The following ZNF227 variants were observed in gnomAD, a reference collection of about 807,000 sequenced individuals.
The protein encoded by ZNF227 is zinc finger protein 227.
ZNF227 carries 12 observed loss-of-function variants against 13.2 expected under a neutral mutation model. The ratio of observed to expected loss-of-function variants is 0.91; its 90% CI spans 0.58 to 1.47. ZNF227 has a LOEUF of 1.47. Ranked by LOEUF, ZNF227 falls within the 40% of genes most tolerant of loss-of-function variation. ZNF227 has a pLI of 0.00. For synonymous variants in ZNF227, 338 were observed against 326.0 expected, an observed-to-expected ratio of 1.04 and a Z score of -0.40; for missense variants, 885 against 967.5, an observed-to-expected ratio of 0.91 and a Z score of 1.13.
At chr19:44,231,971 T>C (rs1354979418) in intron 5 of ZNF227, among the ~76,000 whole-genome samples, 1 of 152,216 alleles carries the variant, frequency 6.6e-6, no homozygotes, top group African/African-American at 2.4e-5. Flanking sequence ...CTTTACTCAT[T>C]GGTGAAAACT....
At chr19:44,207,547 A>T (rs536572924), upstream of ZNF227, 1 of 152,108 alleles carries the variant, frequency 6.6e-6, no homozygotes. Context: ...GTTTCTCTTT[A>T]GTTGCTGGGA....
At position 44,229,946 on chromosome 19, in the gene ZNF227, C is replaced by G. The variant is rs1015959301; in HGVS notation, c.271+130C>G. ...CTGGATTATAACAATAGCTTCCATG[C>G]TGGTCTCCCCACCTCCTCCCTTGTG... On this transcript the variant is annotated intron_variant, in intron 5 of 5. Coordinates refer to ENST00000313040, the MANE Select transcript of ZNF227 (RefSeq NM_182490.3). 11 of 491,588 alleles carry G rather than the reference C, an allele frequency of 2.2e-5. No homozygotes were observed. The Admixed American group carries it at 3.6e-4, about 16-fold the overall frequency. 30.5% of individuals were successfully genotyped at this position (491,588 alleles called of 1,614,324 possible).
At chr19:44,217,644 T>C in intron 2 of ZNF227, 147 bp from the exon 3 acceptor site, 1 of 866,786 alleles carries the variant, frequency 1.2e-6, no homozygotes, top group Non-Finnish European at 2.0e-6. Flanking sequence ...TCATGCCATT[T>C]AGTAGCTGGA....
At chr19:44,230,155 A>G (rs938520047) in intron 5 of ZNF227, among the ~76,000 whole-genome samples, 2 of 152,078 alleles carry the variant, frequency 1.3e-5, no homozygotes, top group African/African-American at 4.8e-5. Context: ...AGCTAGGACT[A>G]TAGGTATATA....
Position 44,229,802 on chromosome 19 carries a change from C to G in ZNF227, c.257C>G (p.Thr86Arg). Residue 86 changes from threonine to arginine, a missense_variant, in exon 5 of 6, where the codon ACA becomes AGA. Physicochemically the swap from Thr to Arg is moderately conservative, Grantham distance 71. Coordinates refer to ENST00000313040, the MANE Select transcript of ZNF227 (RefSeq NM_182490.3). ...EAEEKLWMMETETQRSSKHQN... is the reference protein window; with the variant it reads ...EAEEKLWMMERETQRSSKHQN... The stretch of plus-strand genomic sequence containing the variant: ...GAAGAAAAGCTTTGGATGATGGAAA[C>G]AGAAACCCAAAGAAGTAGGTATTCT... 6.4e-7 allele frequency: 1 copy of G among 1,570,908 alleles called. No homozygotes were observed. Among genetic ancestry groups the G allele is most frequent in the Non-Finnish European group, 8.7e-7 (1 of 1,151,944 alleles).
chr19:44,229,868 C>G, intron 5 of ZNF227, 52 bp downstream of exon 5: 10 of 1,316,442 alleles, frequency 7.6e-6, no homozygotes, highest in Non-Finnish European at 1.0e-5. Flanking sequence ...ACTGGTTAGT[C>G]TGCATCTTAC....
At chr19:44,226,547 G>A (rs557154132) in intron 3 of ZNF227, among the ~76,000 whole-genome samples, 2 of 152,210 alleles carry the variant, frequency 1.3e-5, no homozygotes, top group Non-Finnish European at 2.9e-5. Context: ...AGCAATCAGC[G>A]AGACTCTGTG....
intron 5 of ZNF227, among the ~76,000 whole-genome samples, chr19:44,234,327 C>T (rs182077826): frequency 6.2e-4 from 95 of 152,226 alleles, no homozygotes; most frequent in Middle Eastern, 3.4e-3. Context: ...ATTAGAATCC[C>T]GCTTGTCATA....
Position 44,235,513 on chromosome 19 carries a change from T to C in ZNF227, c.1083T>C (p.Phe361=), listed in dbSNP as rs1392484383. The C allele has an allele frequency of 2.5e-6, 4 of 1,614,018 alleles. No homozygotes were observed. The Admixed American group carries it at 5.0e-5, about 20-fold the overall frequency. The change falls in exon 6 of 6, where the codon TTT becomes TTC. Residue 361 remains phenylalanine (F), a synonymous_variant. Coordinates refer to ENST00000313040, the MANE Select transcript of ZNF227 (RefSeq NM_182490.3). ...PYKCEECGKC[F]SQSSNFQCHQ... The stretch of plus-strand genomic sequence containing the variant: ...AATGCGAGGAATGTGGTAAATGCTT[T>C]AGTCAAAGTTCAAATTTTCAGTGCC...
At chr19:44,226,508 C>T (rs1973182622) in intron 3 of ZNF227, among the ~76,000 whole-genome samples, 1 of 152,224 alleles carries the variant, frequency 6.6e-6, no homozygotes, top group African/African-American at 2.4e-5. Context: ...TCGCTGCCTC[C>T]TTGCAGTTTG....
intron 3 of ZNF227, among the ~76,000 whole-genome samples, chr19:44,224,914 C>G (rs1327104735): frequency 6.6e-6 from 1 of 152,098 alleles, no homozygotes; most frequent in Non-Finnish European, 1.5e-5. Flanking sequence ...ACTGGTTGTT[C>G]CTTTCCATGT....
intron 3 of ZNF227, among the ~76,000 whole-genome samples, chr19:44,223,315 A>G (rs1972750872): frequency 6.6e-6 from 1 of 152,104 alleles, no homozygotes; most frequent in Non-Finnish European, 1.5e-5. Context: ...TTTTCTATTG[A>G]TTGGAATAGT....
At chr19:44,219,428 C>G (rs1415626849) in intron 3 of ZNF227, among the ~76,000 whole-genome samples, 1 of 151,962 alleles carries the variant, frequency 6.6e-6, no homozygotes, top group African/African-American at 2.4e-5. Flanking sequence ...AGCTTAAATT[C>G]CTGTTAAGAT....
intron 3 of ZNF227, among the ~76,000 whole-genome samples, chr19:44,223,143 A>T (rs1972730131): frequency 6.6e-6 from 1 of 152,058 alleles, no homozygotes; most frequent in Non-Finnish European, 1.5e-5. Context: ...AAGCTTTTTG[A>T]TGTGCTGCTG....
At chr19:44,227,491 GC>G (rs764464205) in intron 3 of ZNF227, among the ~76,000 whole-genome samples, 3 of 151,978 alleles carry the variant, frequency 2.0e-5, no homozygotes, top group Non-Finnish European at 4.4e-5. Context: ...CAAGTGATTT[GC>G]CCGCCTCGGC....
chr19:44,213,073 T>C lies in ZNF227; in HGVS notation c.-157-17T>C, dbSNP rs1441911355. ...GCTCTTCCCGAACTTTTACAGATCT[T>C]TTTTTTTTTTAAGAAGGATTGAGTC... is the stretch of plus-strand genomic sequence containing the variant. On this transcript the variant is annotated splice_polypyrimidine_tract_variant and intron_variant, in intron 1 of 5. Transcript: ENST00000313040. 2.0e-5 allele frequency: 3 copies of C among 149,216 alleles called. No individual in the cohort carries two copies. Among genetic ancestry groups the C allele is most frequent in the Non-Finnish European group, 4.5e-5 (3 of 67,082 alleles). 9.2% of individuals were successfully genotyped at this position (149,216 alleles called of 1,614,324 possible). A position where few individuals can be genotyped will look rare whatever the true frequency, so the allele number is the denominator to read the frequency against.
rs1972416358 is a variant in ZNF227, at chr19:44,220,811, C to G, written c.60+2959C>G. 7.9e-5 allele frequency among the ~76,000 whole-genome samples: 12 copies of G among 151,928 alleles called. 1 individual carries two copies. The South Asian group carries it at 2.5e-3, about 32-fold the overall frequency. On this transcript the variant is annotated intron_variant, in intron 3 of 5. Transcript: ENST00000313040. ...CTGCTAATGCTATCCCTCCCGCCTC[C>G]CCCAACCCCACAACAGTCCCCAGAG...
intron 5 of ZNF227, among the ~76,000 whole-genome samples, chr19:44,231,318 T>C (rs1008969669): frequency 6.6e-6 from 1 of 152,000 alleles, no homozygotes; most frequent in Non-Finnish European, 1.5e-5. Context: ...TTTCACCATG[T>C]TGGCCAGGCT....
At chr19:44,223,815 T>G (rs1972809060) in intron 3 of ZNF227, among the ~76,000 whole-genome samples, 1 of 152,108 alleles carries the variant, frequency 6.6e-6, no homozygotes, top group Non-Finnish European at 1.5e-5. Context: ...AGCTTTTGAA[T>G]GTGTTAGCTC....
Sources: gnomAD v4.1 joint callset for allele counts (sites outside exome capture counted in the v4.1 genomes callset) on GRCh38, gnomAD v4.1.1 for gene constraint, MANE v1.5 for transcripts, NCBI Gene and HGNC (gene_info 2026-07-23, HGNC 2026-07-21) for gene names.